Variants in FER1L5 observed in about 807,000 individuals in gnomAD.
FER1L5 encodes fer-1-like protein 5.
Under a neutral mutation model 279.9 loss-of-function variants are expected in FER1L5, and 187 were observed. The observed-to-expected ratio is 0.67, with a 90% CI of 0.59 to 0.75. The LOEUF is 0.75. Among genes scored for constraint, FER1L5 ranks in the 30% least tolerant of loss-of-function variants. The probability of loss-of-function intolerance (pLI) is 0.00; values close to 1 mark genes in which losing one functional copy is unlikely to be tolerated. For synonymous variants in FER1L5, 921 were observed against 989.7 expected (o/e 0.93, Z 1.30); for missense variants, 2,091 against 2,594.4 (o/e 0.81, Z 4.21).
intron 14 of FER1L5, among the ~76,000 whole-genome samples, chr2:96,666,116 A>G (rs1689295079): frequency 6.6e-6 from 1 of 151,420 alleles, no homozygotes; most frequent in Non-Finnish European, 1.5e-5. Flanking sequence ...CAGAACAGCC[A>G]GCCACACAGA....
At chr2:96,686,762 G>A (rs895742229) in intron 23 of FER1L5, among the ~76,000 whole-genome samples, 22 of 150,976 alleles carry the variant, frequency 1.5e-4, no homozygotes, top group Non-Finnish European at 2.5e-4. Context: ...GGAGGCTGAG[G>A]CAGGAGAATC....
At chr2:96,664,224 T>C (rs773675812) in intron 14 of FER1L5, among the ~76,000 whole-genome samples, 15 of 151,924 alleles carry the variant, frequency 9.9e-5, no homozygotes, top group Non-Finnish European at 1.9e-4. Context: ...AATGTACAAT[T>C]TGATACATTT....
At chr2:96,693,761 A>C (rs1420803218) in intron 32 of FER1L5, 74 bp downstream of exon 32, 1 of 1,498,092 alleles carries the variant, frequency 6.7e-7, no homozygotes, top group African/African-American at 1.4e-5. Flanking sequence ...ATTTTAGATG[A>C]AAATGTATGG....
Position 96,698,712 on chromosome 2 carries a change from C to T in FER1L5, c.4398C>T (p.Ala1466=), listed in dbSNP as rs971827172. 9.5e-6 allele frequency: 15 copies of T among 1,584,212 alleles called. No homozygotes were observed. Among genetic ancestry groups the T allele is most frequent in the Non-Finnish European group, 1.3e-5 (15 of 1,165,938 alleles). ...RIYPFPENPE[A]PKPPLQFLVW... ...ACCCCTTTCCTGAGAATCCAGAAGC[C>T]CCAAAGCCCCCGCTGCAGTTCTTGG... is the stretch of plus-strand genomic sequence containing the variant. Residue 1466 remains alanine, a synonymous_variant, in exon 41 of 53, where the codon GCC becomes GCT. Coordinates refer to ENST00000624922, the MANE Select transcript of FER1L5 (RefSeq NM_001293083.2). This position sits in a 1 kb window ranked among gnomAD's most constrained non-coding sequence, Gnocchi z 5.5.
In FER1L5 at chr2:96,669,075, C is replaced by A. The variant is rs2076230798; in HGVS notation, c.1300C>A (p.Pro434Thr). 1.3e-6 allele frequency: 2 copies of A among 1,551,728 alleles called. No homozygotes were observed. Among genetic ancestry groups the A allele is most frequent in the Non-Finnish European group, 8.7e-7 (1 of 1,146,998 alleles). Residue 434 changes from proline to threonine, a missense_variant, in exon 17 of 53, where the codon CCC becomes ACC. Coordinates refer to ENST00000624922, the MANE Select transcript of FER1L5 (RefSeq NM_001293083.2). The stretch of plus-strand genomic sequence containing the variant: ...CTCCGGCTTCCTGCCCTGCTTTGGC[C>A]CCAGCTTCCTGACTCTGCATGGGGG... ...VYSGFLPCFG[P>T]SFLTLHGGKK...
At position 96,695,517 on chromosome 2, in the gene FER1L5, C is replaced by G; in HGVS notation, c.3750C>G (p.Ala1250=). 1 of 1,589,076 alleles carries G rather than the reference C, an allele frequency of 6.3e-7. No individual in the cohort carries two copies. The highest frequency in any genetic ancestry group is 2.3e-5 in the East Asian group (1 of 43,800). Residue 1250 remains alanine (A), a synonymous_variant, in exon 35 of 53, where the codon GCC becomes GCG. Transcript: ENST00000624922. The stretch of plus-strand genomic sequence containing the variant: ...CTTCTTTGTTCTGGTAGATCCTGGC[C>G]TGGGGCCTTCGGAACATGAAGAAGG... ...TIKRMAIEIL[A]WGLRNMKKAS...
chr2:96,669,424 G>C (rs1270007906), intron 17 of FER1L5, among the ~76,000 whole-genome samples: 1 of 152,202 alleles, frequency 6.6e-6, no homozygotes, highest in Non-Finnish European at 1.5e-5. Context: ...GGAGGACACA[G>C]CACAGGCAAG....
chr2:96,653,317 T>G, intron 7 of FER1L5: 1 of 317,680 alleles, frequency 3.1e-6, no homozygotes, highest in Non-Finnish European at 5.8e-6. Context: ...ATCAGAAGTG[T>G]TTTGGATTTC....
rs2077636558 is a variant in FER1L5 at position 96,702,776 on chromosome 2, CAACA to C, written c.5397+40_5397+43del. The C allele has an allele frequency of 6.2e-7, 1 of 1,608,986 alleles. No individual in the cohort carries two copies. Among genetic ancestry groups the C allele is most frequent in the African/African-American group, 1.3e-5 (1 of 74,862 alleles). On this transcript the variant is annotated intron_variant, in intron 48 of 52. Transcript: ENST00000624922. The surrounding 1 kb of genome is among the most constrained non-coding windows in gnomAD (Gnocchi z 4.0). ...CTGGGGCGTGAGGGGCAACAGGCCA[CAACA>C]AACAGACCCAGGCTCCTGGAGCTCC...
In FER1L5 at chr2:96,704,322, T is replaced by C; in HGVS notation, c.5909T>C (p.Ile1970Thr). 6.2e-7 allele frequency: 1 copy of C among 1,614,004 alleles called. No homozygotes were observed. The highest frequency in any genetic ancestry group is 8.5e-7 in the Non-Finnish European group (1 of 1,179,894). ...FKLIAFMVISIIALMLFNFIY... is the reference protein window; with the variant it reads ...FKLIAFMVISTIALMLFNFIY... The stretch of plus-strand genomic sequence containing the variant: ...CTCATAGCCTTTATGGTCATATCGA[T>C]TATAGCACTTATGCTGTTTAACTTC... The change falls in exon 52 of 53, where the codon ATT becomes ACT. Residue 1970 changes from isoleucine (I) to threonine (T), a missense_variant. Physicochemically the swap from Ile to Thr is moderately conservative, Grantham distance 89. Coordinates refer to ENST00000624922, the MANE Select transcript of FER1L5 (RefSeq NM_001293083.2).
intron 19 of FER1L5, among the ~76,000 whole-genome samples, chr2:96,681,339 C>T (rs888177841): frequency 6.6e-6 from 1 of 151,904 alleles, no homozygotes; most frequent in East Asian, 1.9e-4. Flanking sequence ...AGAGTGAGAC[C>T]GTGTCTCAAC....
At chr2:96,701,510 C>T (rs2077585147) in intron 45 of FER1L5, among the ~76,000 whole-genome samples, 2 of 152,086 alleles carry the variant, frequency 1.3e-5, no homozygotes, top group African/African-American at 2.4e-5. Flanking sequence ...TAGCTTAATA[C>T]CCTTAGGTTG....
rs1022004803 is a variant in FER1L5, at chr2:96,703,816, T to C, written c.5801+184T>C. Among the ~76,000 whole-genome samples, 31 of 146,862 alleles carry C rather than the reference T, an allele frequency of 2.1e-4. 1 individual carries two copies. The highest frequency in any genetic ancestry group is 2.1e-4 in the Non-Finnish European group (14 of 66,264). ...GGAGTAAGCAAAAGTTGCCTTTTTT[T>C]TTTTTTTTTTTTTTTTGAGATAATT... On this transcript the variant is annotated intron_variant, in intron 51 of 52. Transcript: ENST00000624922.
chr2:96,685,503 T>C, intron 21 of FER1L5, 74 bp downstream of exon 21: 1 of 1,266,686 alleles, frequency 7.9e-7, no homozygotes. Flanking sequence ...CTCAGCGCAG[T>C]GCCCTGAACA....
At chr2:96,688,556 T>C (rs1410719406) in intron 24 of FER1L5, among the ~76,000 whole-genome samples, 1 of 152,178 alleles carries the variant, frequency 6.6e-6, no homozygotes, top group African/African-American at 2.4e-5. Flanking sequence ...GGAAGCCACA[T>C]GAACAGCAGA....
At chr2:96,651,776 G>A (rs2075391606) in intron 6 of FER1L5, 116 bp from the exon 7 acceptor site, 44 of 1,437,070 alleles carry the variant, frequency 3.1e-5, no homozygotes, top group Non-Finnish European at 4.1e-5. Flanking sequence ...CAAAGTGCTG[G>A]GATTACAGGC....
Position 96,661,360 on chromosome 2 carries a change from C to A in FER1L5, c.814C>A (p.Gln272Lys), listed in dbSNP as rs191606676. The change falls in exon 11 of 53, where the codon CAG becomes AAG. Residue 272 changes from glutamine (Q) to lysine (K), a missense_variant. Transcript: ENST00000624922. Reference sequence around the variant, plus strand: ...CCTAAGGAAATGGCTAGGCCTCTGCCAGCCAAATAACCCTGGCAGTGGTGT... The same window carrying A: ...CCTAAGGAAATGGCTAGGCCTCTGCAAGCCAAATAACCCTGGCAGTGGTGT... Reference protein sequence around the residue: ...TLLRKWLGLCQPNNPGSGVTG... With the variant: ...TLLRKWLGLCKPNNPGSGVTG... 2.6e-6 allele frequency: 4 copies of A among 1,551,496 alleles called. No individual in the cohort carries two copies. In the Admixed American group the frequency reaches 7.9e-5, roughly 30 times the overall value.
chr2:96,675,085 T>C (rs977152440), intron 19 of FER1L5, among the ~76,000 whole-genome samples: 4 of 152,260 alleles, frequency 2.6e-5, no homozygotes, highest in African/African-American at 9.6e-5. Context: ...TTAAATCTTC[T>C]GCTCAACATT....
At chr2:96,676,322 C>T (rs1281866327) in intron 19 of FER1L5, among the ~76,000 whole-genome samples, 2 of 152,170 alleles carry the variant, frequency 1.3e-5, no homozygotes, top group Non-Finnish European at 2.9e-5. Context: ...CAGGCATGCG[C>T]CACCATGCCT....
Sources: allele counts gnomAD v4.1 joint callset (sites outside exome capture counted in the v4.1 genomes callset), GRCh38; gene constraint gnomAD v4.1.1; non-coding constraint Gnocchi (gnomAD v3.1); transcripts MANE v1.5; gene names NCBI Gene and HGNC (gene_info 2026-07-23, HGNC 2026-07-21).